Variants in LEKR1 observed in about 807,000 individuals in gnomAD.
LEKR1 encodes the protein protein LEKR1.
A neutral mutation model predicts 72.4 loss-of-function variants in LEKR1; 59 were observed. The observed-to-expected ratio is 0.82, with a 90% CI of 0.66 to 1.01. LEKR1 has a LOEUF of 1.01. LEKR1 is among the 50% of genes least tolerant of loss of function. The pLI is 0.00. For synonymous variants in LEKR1, 257 were observed against 263.2 expected, an observed-to-expected ratio of 0.98 and a Z score of 0.23; for missense variants, 728 against 759.2, an observed-to-expected ratio of 0.96 and a Z score of 0.48.
At chr3:156,877,674 C>T (rs1718772293) in intron 3 of LEKR1, among the ~76,000 whole-genome samples, 1 of 152,094 alleles carries the variant, frequency 6.6e-6, no homozygotes, top group African/African-American at 2.4e-5. Flanking sequence ...TCTCCCATTT[C>T]ATTTCCAATT....
At chr3:156,999,845 G>A (rs1354649500) in intron 9 of LEKR1, among the ~76,000 whole-genome samples, 2 of 152,184 alleles carry the variant, frequency 1.3e-5, no homozygotes, top group African/African-American at 4.8e-5. Flanking sequence ...TTTTGGAGAT[G>A]AGGACATTAA....
rs1443417748 is a variant in LEKR1, at chr3:157,032,070, G to C, written c.1668+3668G>C. Among the ~76,000 whole-genome samples the C allele has an allele frequency of 2.0e-5, 3 of 150,892 alleles. No homozygotes were observed. The East Asian group carries it at 5.8e-4, about 29-fold the overall frequency. ...AAAAGATTGGAAAGGAGGGAGGGAG[G>C]GAGAGAGAGTGAGAGAGAGAGAGAG... is the stretch of plus-strand genomic sequence containing the variant. On this transcript the variant is annotated intron_variant, in intron 12 of 12. Coordinates refer to ENST00000356539, the MANE Select transcript of LEKR1 (RefSeq NM_001004316.3).
At chr3:157,042,418 T>A (rs190357099) in intron 12 of LEKR1, among the ~76,000 whole-genome samples, 16 of 152,324 alleles carry the variant, frequency 1.1e-4, no homozygotes, top group Admixed American at 9.8e-4. Context: ...GTGGAAACTA[T>A]AATCTGATCC....
At chr3:156,896,576 G>T (rs1035887039) in intron 3 of LEKR1, among the ~76,000 whole-genome samples, 1 of 152,158 alleles carries the variant, frequency 6.6e-6, no homozygotes, top group African/African-American at 2.4e-5. Flanking sequence ...AGGTTGCAAA[G>T]GAAAGGGAAT....
chr3:157,041,404 A>C (rs1577033049), intron 12 of LEKR1, among the ~76,000 whole-genome samples: 1 of 152,258 alleles, frequency 6.6e-6, no homozygotes, highest in African/African-American at 2.4e-5. Context: ...CATACCAGCC[A>C]TCTGCTTGAA....
chr3:156,972,690 G>A (rs2107993642), intron 6 of LEKR1, among the ~76,000 whole-genome samples: 1 of 143,426 alleles, frequency 7.0e-6, no homozygotes, highest in African/African-American at 2.7e-5. Flanking sequence ...CTGAATCTAA[G>A]CAGATAAAAT....
At chr3:156,858,763 T>C (rs1001087697) in intron 3 of LEKR1, among the ~76,000 whole-genome samples, 3 of 152,176 alleles carry the variant, frequency 2.0e-5, no homozygotes, top group Admixed American at 2.0e-4. Context: ...TTGGTTAATT[T>C]ATTTTCAGTC....
chr3:156,919,316 T>C (rs1723963343), intron 3 of LEKR1, among the ~76,000 whole-genome samples: 1 of 152,216 alleles, frequency 6.6e-6, no homozygotes, highest in Non-Finnish European at 1.5e-5. Context: ...TCAACTCCCC[T>C]AATCTATAGA....
chr3:156,925,420 C>T (rs898416705), intron 4 of LEKR1, among the ~76,000 whole-genome samples: 1 of 151,466 alleles, frequency 6.6e-6, no homozygotes, highest in South Asian at 2.1e-4. Context: ...GTTGTATTTA[C>T]CCTTAAATCC....
intron 9 of LEKR1, among the ~76,000 whole-genome samples, chr3:157,006,066 C>T (rs903715207): frequency 6.7e-6 from 1 of 150,336 alleles, no homozygotes. Flanking sequence ...ACTGCAGTGG[C>T]GCAATCTCGG....
chr3:157,028,871 G>A (rs1482854), intron 12 of LEKR1, among the ~76,000 whole-genome samples: 88,232 of 151,960 alleles, frequency 0.58, 27,443 homozygotes, highest in South Asian at 0.8. Context: ...TGCATGCGTC[G>A]GTTTTCTTTC....
intron 10 of LEKR1, among the ~76,000 whole-genome samples, chr3:157,016,204 G>A (rs934627465): frequency 6.6e-6 from 1 of 152,002 alleles, no homozygotes; most frequent in Non-Finnish European, 1.5e-5. Context: ...CAAATTTAAT[G>A]AAAACTAAAC....
intron 2 of LEKR1, among the ~76,000 whole-genome samples, chr3:156,838,894 G>A (rs761883496): frequency 1.2e-4 from 18 of 152,160 alleles, no homozygotes; most frequent in Non-Finnish European, 1.9e-4. Flanking sequence ...AAGCCACTGA[G>A]ACCAAGCCAT....
At chr3:156,829,685 A>G (rs1407287082) in intron 2 of LEKR1, among the ~76,000 whole-genome samples, 1 of 152,202 alleles carries the variant, frequency 6.6e-6, no homozygotes, top group African/African-American at 2.4e-5. Flanking sequence ...CTGGATTTCT[A>G]AGCCTCTATT....
At chr3:157,004,575 T>G (rs1171189349) in intron 9 of LEKR1, among the ~76,000 whole-genome samples, 1 of 152,092 alleles carries the variant, frequency 6.6e-6, no homozygotes. Context: ...GATTGGGACA[T>G]GAAATAAAAC....
At chr3:156,893,923 A>G (rs1007566045) in intron 3 of LEKR1, among the ~76,000 whole-genome samples, 1 of 152,248 alleles carries the variant, frequency 6.6e-6, no homozygotes, top group African/African-American at 2.4e-5. Context: ...AGTTGGGAAC[A>G]GGATGGGACA....
rs530586315 is a variant in LEKR1, at chr3:156,971,251, A to G, written c.746-7943A>G. ...ACAAGAAATGGGGAAAGGATTCCCT[A>G]TTTAATAAATGGTGCTGGGAAAACT... On this transcript the variant is annotated intron_variant, in intron 6 of 12. Coordinates refer to ENST00000356539, the MANE Select transcript of LEKR1 (RefSeq NM_001004316.3). Among the ~76,000 whole-genome samples, 64 of 152,288 alleles carry G rather than the reference A, an allele frequency of 4.2e-4. No individual in the cohort carries two copies. The East Asian group carries it at 0.011, about 25-fold the overall frequency.
chr3:156,965,425 G>A (rs1728481779), intron 6 of LEKR1, among the ~76,000 whole-genome samples: 2 of 152,216 alleles, frequency 1.3e-5, no homozygotes, highest in East Asian at 1.9e-4. Flanking sequence ...ATATTAGAAT[G>A]TAATTCATTT....
At position 156,916,072 on chromosome 3, in the gene LEKR1, G is replaced by C. The variant is rs1723605711; in HGVS notation, c.264-4503G>C. 3.3e-5 allele frequency among the ~76,000 whole-genome samples: 5 copies of C among 151,938 alleles called. No homozygotes were observed. The South Asian group carries it at 1.0e-3, about 32-fold the overall frequency. ...CTTTGTCAAAGATCAGATGGTTTAG[G>C]TGTGTGTTCTTATTTCCGAGCTCTC... On this transcript the variant is annotated intron_variant, in intron 3 of 12. Transcript: ENST00000356539.
Sources: allele counts gnomAD v4.1 joint callset (sites outside exome capture counted in the v4.1 genomes callset), GRCh38; gene constraint gnomAD v4.1.1; transcripts MANE v1.5; gene names NCBI Gene and HGNC (gene_info 2026-07-23, HGNC 2026-07-21).